Variants in STAU2 observed in about 807,000 individuals in gnomAD.
The protein encoded by STAU2 is staufen double-stranded RNA binding protein 2.
STAU2 carries 20 observed loss-of-function variants against 65.9 expected under a neutral mutation model. The observed-to-expected ratio is 0.30, with a 90% CI of 0.21 to 0.44. STAU2 has a LOEUF of 0.44. Ranked by LOEUF, STAU2 falls within the 20% of genes least tolerant of loss-of-function variation. STAU2 has a pLI of 1.00. For synonymous variants in STAU2, 232 were observed against 233.9 expected, an observed-to-expected ratio of 0.99 and a Z score of 0.07; for missense variants, 558 against 683.9, an observed-to-expected ratio of 0.82 and a Z score of 2.05.
chr8:73,432,844 G>T (rs965794394), intron 13 of STAU2, among the ~76,000 whole-genome samples: 12 of 152,216 alleles, frequency 7.9e-5, no homozygotes, highest in African/African-American at 2.9e-4. Context: ...TAAGGTGGTG[G>T]TTACTCATAA....
chr8:73,524,613 C>T (rs1363548914), intron 13 of STAU2, among the ~76,000 whole-genome samples: 1 of 152,114 alleles, frequency 6.6e-6, no homozygotes, highest in Non-Finnish European at 1.5e-5. Flanking sequence ...GTCTAGAGAG[C>T]TCTTCCATTT....
intron 13 of STAU2, among the ~76,000 whole-genome samples, chr8:73,545,306 G>T (rs758449490): frequency 6.6e-6 from 1 of 151,984 alleles, no homozygotes; most frequent in African/African-American, 2.4e-5. Flanking sequence ...CTGTTGTCCA[G>T]GTTGTATTAC....
At chr8:73,481,507 ACAAAAAAAC>A (rs1585847254) in intron 13 of STAU2, among the ~76,000 whole-genome samples, 1 of 77,496 alleles carries the variant, frequency 1.3e-5, no homozygotes, top group Non-Finnish European at 2.5e-5. Context: ...AGCCAAAAAA[ACAAAAAAAC>A]AAAAAAAAAA....
chr8:73,562,844 G>A (rs1170294344), intron 12 of STAU2, among the ~76,000 whole-genome samples: 7 of 151,986 alleles, frequency 4.6e-5, no homozygotes, highest in Admixed American at 1.3e-4. Flanking sequence ...TGGGTGCAGT[G>A]GCTCACACCT....
At position 73,617,417 on chromosome 8, in the gene STAU2, G is replaced by C. The variant is rs758427073; in HGVS notation, c.445C>G (p.Gln149Glu). The C allele has an allele frequency of 6.2e-7, 1 of 1,613,864 alleles. No individual in the cohort carries two copies. The highest frequency in any genetic ancestry group is 1.7e-5 in the Admixed American group (1 of 59,994). Residue 149 changes from glutamine (Q) to glutamate (E), a missense_variant, in exon 7 of 15, where the codon CAG becomes GAG. Coordinates refer to ENST00000524300, the MANE Select transcript of STAU2 (RefSeq NM_001164380.2). ...AATTCATTATTTCCTACAGTGAGCT[G>C]AACATAAAAGATCTTAGGCACTGGG... ...HCPVPKIFYV[Q>E]LTVGNNEFFG...
chr8:73,686,443 G>A (rs1818826982), intron 5 of STAU2, among the ~76,000 whole-genome samples: 1 of 152,016 alleles, frequency 6.6e-6, no homozygotes, highest in South Asian at 2.1e-4. Context: ...CCAGCTACTT[G>A]GGAGGCTGAG....
intron 13 of STAU2, among the ~76,000 whole-genome samples, chr8:73,529,584 C>A (rs553520987): frequency 3.0e-4 from 46 of 152,016 alleles, no homozygotes; most frequent in African/African-American, 9.4e-4. Flanking sequence ...CAATTGCAGT[C>A]AAAAAAATAA....
At chr8:73,717,387 A>G (rs963341902) in intron 3 of STAU2, among the ~76,000 whole-genome samples, 1 of 152,154 alleles carries the variant, frequency 6.6e-6, no homozygotes, top group African/African-American at 2.4e-5. Context: ...TTCCACGAAC[A>G]TTATAGTTTT....
chr8:73,715,765 A>C lies in STAU2; in HGVS notation c.-17-6603T>G, dbSNP rs186413456. Among the ~76,000 whole-genome samples, 11 of 152,312 alleles carry C rather than the reference A, an allele frequency of 7.2e-5. No individual in the cohort carries two copies. In the East Asian group the frequency reaches 1.9e-3, roughly 27 times the overall value. On this transcript the variant is annotated intron_variant, in intron 3 of 14. Transcript: ENST00000524300. ...AATAGCAAAAACTATAAATGAGATA[A>C]ATATTATTATTTACCAAAAATTGGT...
chr8:73,571,410 A>C (rs1245638818), intron 12 of STAU2, among the ~76,000 whole-genome samples: 2 of 152,222 alleles, frequency 1.3e-5, no homozygotes, highest in Non-Finnish European at 2.9e-5. Context: ...ATAGACATCT[A>C]CAGAACTCTC....
At chr8:73,590,293 C>T (rs1383788485) in intron 11 of STAU2, among the ~76,000 whole-genome samples, 2 of 150,636 alleles carry the variant, frequency 1.3e-5, no homozygotes, top group Non-Finnish European at 3.0e-5. Context: ...TACATCACAA[C>T]CAAATTGTTG....
At chr8:73,424,604 A>G (rs566717849) in intron 13 of STAU2, among the ~76,000 whole-genome samples, 23 of 152,036 alleles carry the variant, frequency 1.5e-4, no homozygotes, top group Non-Finnish European at 2.9e-4. Context: ...TTGTCCGTTC[A>G]CTTATTGAAG....
intron 13 of STAU2, among the ~76,000 whole-genome samples, chr8:73,469,097 C>G (rs1454785881): frequency 6.6e-6 from 1 of 152,122 alleles, no homozygotes; most frequent in African/African-American, 2.4e-5. Flanking sequence ...AAATGTGGCA[C>G]ACATACACCA....
intron 4 of STAU2, among the ~76,000 whole-genome samples, chr8:73,699,861 A>C (rs1819960052): frequency 1.4e-5 from 1 of 72,726 alleles, no homozygotes; most frequent in Admixed American, 1.3e-4. Flanking sequence ...AACACACATC[A>C]AAAAAAAAAA....
intron 3 of STAU2, among the ~76,000 whole-genome samples, chr8:73,728,521 T>C (rs1349266652): frequency 3.3e-5 from 5 of 150,726 alleles, no homozygotes; most frequent in Non-Finnish European, 7.4e-5. Context: ...AATCTGGAGA[T>C]TGCTTTGGAC....
chr8:73,727,616 C>T (rs2130735510), intron 3 of STAU2, among the ~76,000 whole-genome samples: 1 of 152,340 alleles, frequency 6.6e-6, no homozygotes, highest in South Asian at 2.1e-4. Flanking sequence ...CATTCATCCA[C>T]TGATGGACAT....
intron 13 of STAU2, among the ~76,000 whole-genome samples, chr8:73,507,002 C>T (rs7823883): frequency 0.63 from 95,423 of 151,952 alleles, 30,764 homozygotes; most frequent in East Asian, 0.93. Context: ...TTTAATTCTA[C>T]TTCTCTTACT....
At chr8:73,435,978 T>C (rs1407260415) in intron 13 of STAU2, among the ~76,000 whole-genome samples, 1 of 151,922 alleles carries the variant, frequency 6.6e-6, no homozygotes, top group Non-Finnish European at 1.5e-5. Flanking sequence ...GGAAGGTCTG[T>C]TTGAGATTTC....
chr8:73,458,640 T>C (rs796076486), intron 13 of STAU2: 8 of 152,376 alleles, frequency 5.3e-5, no homozygotes, highest in African/African-American at 1.7e-4. Flanking sequence ...AAAATGTTGG[T>C]TTATTCTGAA....
Sources: allele counts gnomAD v4.1 joint callset (sites outside exome capture counted in the v4.1 genomes callset), GRCh38; gene constraint gnomAD v4.1.1; transcripts MANE v1.5; gene names NCBI Gene and HGNC (gene_info 2026-07-23, HGNC 2026-07-21).